The following PALM2AKAP2 variants were observed in gnomAD, a reference collection of about 807,000 sequenced individuals.
PALM2AKAP2 encodes the protein PALM2 and AKAP2 fusion, also known as PALM2-AKAP2 fusion protein.
In PALM2AKAP2, 37 loss-of-function variants were observed where a neutral mutation model predicts 71.5. The ratio of observed to expected loss-of-function variants is 0.52; its 90% CI spans 0.40 to 0.68. The LOEUF (loss-of-function observed/expected upper bound fraction) is 0.68, where lower values mean the gene tolerates loss of function less well. PALM2AKAP2 is among the 30% of genes least tolerant of loss of function. The pLI is 0.00. For missense variants in PALM2AKAP2, 1,224 were observed against 1,191.8 expected (o/e 1.03, Z -0.40); for synonymous variants, 468 against 478.8 (o/e 0.98, Z 0.29).
In PALM2AKAP2 at chr9:110,100,543, A is replaced by G. The variant is rs117027140; in HGVS notation, c.157-35584A>G. Reference sequence around the variant, plus strand: ...AGGGGTCTGAGAAAGGCCACTGGAAATGGAAGGCTTAACGGCCAGTCCTCT... The same window carrying G: ...AGGGGTCTGAGAAAGGCCACTGGAAGTGGAAGGCTTAACGGCCAGTCCTCT... On this transcript the variant is annotated intron_variant, in intron 1 of 3. Coordinates refer to ENST00000374525, the Ensembl canonical transcript of PALM2AKAP2. Among the ~76,000 whole-genome samples, 143 of 152,238 alleles carry G rather than the reference A, an allele frequency of 9.4e-4. 2 individuals are homozygous for G. In the East Asian group the frequency reaches 0.02, roughly 22 times the overall value.
chr9:109,881,876 C>CTTTTTTTTTT lies in PALM2AKAP2; in HGVS notation c.257+1213_257+1222dup, dbSNP rs565835467. ...TCTCTGTCTTCTGAGCTTATGAGCT[C>CTTTTTTTTTT]TTTTTTTTTTTTTTTTTTTTTTTTT... On this transcript the variant is annotated intron_variant, in intron 3 of 9. Coordinates refer to the PALM2AKAP2 transcript ENST00000302798. 4.7e-4 allele frequency among the ~76,000 whole-genome samples: 45 copies of CTTTTTTTTTT among 95,110 alleles called. 6 individuals carry two copies. The highest frequency in any genetic ancestry group is 7.2e-4 in the African/African-American group (20 of 27,878). 62.4% of individuals were successfully genotyped at this position (95,110 alleles called of 152,430 possible).
At chr9:109,736,200 G>C (rs964428941) in intron 1 of PALM2AKAP2, among the ~76,000 whole-genome samples, 3 of 152,102 alleles carry the variant, frequency 2.0e-5, no homozygotes, top group African/African-American at 7.2e-5. Context: ...AGGTCCCGGG[G>C]AACTAGTCTT....
intron 3 of PALM2AKAP2, among the ~76,000 whole-genome samples, chr9:109,889,347 C>T (rs1830036751): frequency 6.6e-6 from 1 of 152,124 alleles, no homozygotes; most frequent in Admixed American, 6.5e-5. Flanking sequence ...CTTGAATTTG[C>T]AATGAACGTA....
rs146300629 is a variant in PALM2AKAP2 at position 109,694,446 on chromosome 9, G to A, written c.5+53580G>A. Among the ~76,000 whole-genome samples the A allele has an allele frequency of 1.2e-3, 178 of 152,038 alleles. 1 individual carries two copies. The highest frequency in any genetic ancestry group is 4.0e-3 in the African/African-American group (167 of 41,504). Reference sequence around the variant, plus strand: ...ATATAAACAACAACCACTATAAAATGTAATGTAAAATGATCTCATTTACAT... The same window carrying A: ...ATATAAACAACAACCACTATAAAATATAATGTAAAATGATCTCATTTACAT... On this transcript the variant is annotated intron_variant, in intron 1 of 6. Coordinates refer to the PALM2AKAP2 transcript ENST00000374531.
At chr9:109,723,915 G>C (rs1252568551) in intron 1 of PALM2AKAP2, among the ~76,000 whole-genome samples, 1 of 152,204 alleles carries the variant, frequency 6.6e-6, no homozygotes, top group African/African-American at 2.4e-5. Flanking sequence ...ATCAATGTTG[G>C]AAATGGATTA....
At chr9:110,172,387 T>C (rs1308337429) in exon 4 of PALM2AKAP2, 1 of 152,678 alleles carries the variant, frequency 6.5e-6, no homozygotes, top group African/African-American at 2.4e-5. Context: ...GTATCTGGTT[T>C]TCCTGTGTAT....
chr9:110,056,131 C>T (rs1472333961), intron 1 of PALM2AKAP2, among the ~76,000 whole-genome samples: 1 of 152,230 alleles, frequency 6.6e-6, no homozygotes, highest in African/African-American at 2.4e-5. Context: ...TAATGCATAG[C>T]TCATCCAGAG....
At chr9:109,737,504 GC>G (rs1323598341) in intron 1 of PALM2AKAP2, among the ~76,000 whole-genome samples, 2 of 152,202 alleles carry the variant, frequency 1.3e-5, no homozygotes, top group Non-Finnish European at 2.9e-5. Context: ...GACAGCAGCA[GC>G]CACTGTAAAT....
intron 7 of PALM2AKAP2, 46 bp downstream of exon 7, chr9:110,016,085 T>A: frequency 6.3e-7 from 1 of 1,583,956 alleles, no homozygotes; most frequent in East Asian, 2.2e-5. Flanking sequence ...ATCTCTAGAG[T>A]AAAGGCAGCC....
At chr9:110,016,674 C>A (rs879785217) in intron 7 of PALM2AKAP2, among the ~76,000 whole-genome samples, 13 of 152,178 alleles carry the variant, frequency 8.5e-5, no homozygotes, top group Non-Finnish European at 1.3e-4. Context: ...AGAGGTGCCA[C>A]CATTTCCCCT....
chr9:109,748,489 C>A lies in PALM2AKAP2; in HGVS notation c.6-31999C>A, dbSNP rs555039363. Among the ~76,000 whole-genome samples the A allele has an allele frequency of 1.5e-4, 23 of 152,174 alleles. 1 individual carries two copies. The South Asian group carries it at 4.8e-3, about 32-fold the overall frequency. ...GTCAGGAGTCTAAAAGATGGCGATC[C>A]CAGTTTACCTTTGCTTTTATTCTAC... On this transcript the variant is annotated intron_variant, in intron 1 of 6. Transcript: ENST00000374531.
intron 1 of PALM2AKAP2, among the ~76,000 whole-genome samples, chr9:109,818,300 C>T (rs1479238104): frequency 1.3e-5 from 2 of 151,980 alleles, no homozygotes; most frequent in Non-Finnish European, 2.9e-5. Flanking sequence ...ATGACTGAAT[C>T]ATAGCATCTT....
In PALM2AKAP2 at chr9:109,970,698, C is replaced by A. The variant is rs576419286; in HGVS notation, c.496+38670C>A. Among the ~76,000 whole-genome samples, 7 of 152,334 alleles carry A rather than the reference C, an allele frequency of 4.6e-5. No individual in the cohort carries two copies. The East Asian group carries it at 1.3e-3, about 29-fold the overall frequency. ...TAATAGCTCACAGCCTCAGTTTACT[C>A]ATCTGTCCAATTAGGATAGTAGTAC... On this transcript the variant is annotated intron_variant, in intron 6 of 9. Transcript: ENST00000302798.
chr9:109,716,602 C>T (rs1382247014), intron 1 of PALM2AKAP2, among the ~76,000 whole-genome samples: 1 of 152,114 alleles, frequency 6.6e-6, no homozygotes, highest in African/African-American at 2.4e-5. Flanking sequence ...CTCCTCCTTC[C>T]AAGGAGGAAA....
intron 3 of PALM2AKAP2, among the ~76,000 whole-genome samples, chr9:109,896,625 A>G (rs1045987173): frequency 6.6e-5 from 10 of 152,146 alleles, no homozygotes; most frequent in Non-Finnish European, 1.2e-4. Flanking sequence ...AGCCTGGGCA[A>G]CATAGTGAGA....
upstream of PALM2AKAP2, chr9:109,780,264 T>C (rs1449050429): frequency 5.1e-6 from 6 of 1,178,044 alleles, no homozygotes; most frequent in Non-Finnish European, 5.2e-6. Flanking sequence ...GCGGCGGCGC[T>C]GGGGCGCAGC....
intron 1 of PALM2AKAP2, among the ~76,000 whole-genome samples, chr9:109,696,055 A>G (rs959095130): frequency 1.3e-5 from 2 of 152,238 alleles, no homozygotes; most frequent in Non-Finnish European, 2.9e-5. Context: ...AAATATTTGA[A>G]GTAGTAGACT....
intron 6 of PALM2AKAP2, among the ~76,000 whole-genome samples, chr9:109,936,542 C>A (rs1831221861): frequency 6.6e-6 from 1 of 152,154 alleles, no homozygotes; most frequent in Non-Finnish European, 1.5e-5. Context: ...AATAAGTCAA[C>A]CATGTGCATT....
intron 1 of PALM2AKAP2, among the ~76,000 whole-genome samples, chr9:109,815,985 A>C (rs931908333): frequency 1.3e-5 from 2 of 152,228 alleles, no homozygotes; most frequent in Admixed American, 6.5e-5. Flanking sequence ...ACTGGTTATT[A>C]GCCTTTTTAT....
Sources: allele counts gnomAD v4.1 joint callset (sites outside exome capture counted in the v4.1 genomes callset), GRCh38; gene constraint gnomAD v4.1.1; transcripts MANE v1.5; gene names NCBI Gene and HGNC (gene_info 2026-07-23, HGNC 2026-07-21).